Variants in NRXN3 observed in about 807,000 individuals in gnomAD.
NRXN3 encodes neurexin III.
In NRXN3, 32 loss-of-function variants were observed where a neutral mutation model predicts 137.6. That is an observed-to-expected ratio of 0.23 (90% CI 0.18 to 0.31). NRXN3 has a LOEUF of 0.31. NRXN3 is among the 10% of genes least tolerant of loss of function. The probability of loss-of-function intolerance (pLI) is 1.00; values close to 1 mark genes in which losing one functional copy is unlikely to be tolerated. For synonymous variants in NRXN3, 798 were observed against 784.5 expected, an observed-to-expected ratio of 1.02 and a Z score of -0.29; for missense variants, 1,574 against 2,062.5, an observed-to-expected ratio of 0.76 and a Z score of 4.59.
intron 15 of NRXN3, among the ~76,000 whole-genome samples, chr14:79,076,835 A>G (rs2046057523): frequency 6.6e-6 from 1 of 152,182 alleles, no homozygotes; most frequent in African/African-American, 2.4e-5. Context: ...ATGGCGTGTA[A>G]AAAGTTCTAT....
chr14:78,617,132 T>A (rs377128175), intron 4 of NRXN3, among the ~76,000 whole-genome samples: 23 of 152,152 alleles, frequency 1.5e-4, no homozygotes, highest in East Asian at 3.8e-4. Context: ...GTATATATAT[T>A]TTTTTTCCTG....
chr14:78,444,726 C>G (rs966365091), intron 4 of NRXN3, among the ~76,000 whole-genome samples: 1 of 151,612 alleles, frequency 6.6e-6, no homozygotes, highest in Non-Finnish European at 1.5e-5. Flanking sequence ...TTGAGACCAG[C>G]TTGGCCAACA....
At chr14:78,780,121 C>T (rs573943756) in intron 8 of NRXN3, among the ~76,000 whole-genome samples, 1 of 152,278 alleles carries the variant, frequency 6.6e-6, no homozygotes, top group South Asian at 2.1e-4. Flanking sequence ...GCACACCAGC[C>T]TGTGGGACAC....
At chr14:78,793,829 G>T (rs1291092846) in intron 8 of NRXN3, among the ~76,000 whole-genome samples, 1 of 152,118 alleles carries the variant, frequency 6.6e-6, no homozygotes, top group Admixed American at 6.5e-5. Flanking sequence ...CCCTAGGCTT[G>T]CAAAAACACT....
At chr14:79,810,763 A>G (rs2099229457) in intron 20 of NRXN3, among the ~76,000 whole-genome samples, 1 of 152,216 alleles carries the variant, frequency 6.6e-6, no homozygotes, top group African/African-American at 2.4e-5. Context: ...CTGAGTTACT[A>G]AAAGCTCACC....
intron 6 of NRXN3, among the ~76,000 whole-genome samples, chr14:78,706,033 G>A (rs1199341797): frequency 6.6e-6 from 1 of 151,856 alleles, no homozygotes; most frequent in Non-Finnish European, 1.5e-5. Flanking sequence ...CTTGTTAAAA[G>A]GCTTTTTTTT....
intron 19 of NRXN3, among the ~76,000 whole-genome samples, chr14:79,778,104 T>G (rs954163083): frequency 1.3e-5 from 2 of 152,192 alleles, no homozygotes; most frequent in African/African-American, 4.8e-5. Flanking sequence ...TCAGACAGGT[T>G]TGGCTGAATT....
At chr14:78,581,384 G>A (rs1188928746) in intron 4 of NRXN3, among the ~76,000 whole-genome samples, 2 of 152,172 alleles carry the variant, frequency 1.3e-5, no homozygotes, top group Admixed American at 6.5e-5. Context: ...CTTCCGGGAC[G>A]ACAGCTTGTT....
intron 15 of NRXN3, among the ~76,000 whole-genome samples, chr14:79,200,234 G>T (rs1451812780): frequency 1.3e-5 from 2 of 152,192 alleles, no homozygotes; most frequent in Admixed American, 1.3e-4. Flanking sequence ...ACTAGAGTTT[G>T]AGAGAGTCTG....
intron 4 of NRXN3, among the ~76,000 whole-genome samples, chr14:78,455,557 C>G (rs568688752): frequency 6.6e-6 from 1 of 152,308 alleles, no homozygotes; most frequent in African/African-American, 2.4e-5. Context: ...TGTTCCACTC[C>G]GAGTTCTTAA....
At chr14:78,978,720 A>G (rs1301127868) in intron 14 of NRXN3, among the ~76,000 whole-genome samples, 1 of 148,046 alleles carries the variant, frequency 6.8e-6, no homozygotes, top group African/African-American at 2.5e-5. Context: ...TATATATAAT[A>G]TATAAAATAT....
Position 79,316,706 on chromosome 14 carries a change from A to T in NRXN3, c.3263-150515A>T, listed in dbSNP as rs74069722. Among the ~76,000 whole-genome samples the T allele has an allele frequency of 4.9e-3, 714 of 146,472 alleles. 10 individuals carry two copies. The highest frequency in any genetic ancestry group is 0.018 in the African/African-American group (680 of 38,218). ...CTCTTGTTCTATTACACTGGACTTTATCATCATGTAATCTGTCCTGTCCCT... is the reference window on the plus strand; with the variant it reads ...CTCTTGTTCTATTACACTGGACTTTTTCATCATGTAATCTGTCCTGTCCCT... On this transcript the variant is annotated intron_variant, in intron 15 of 20. Coordinates refer to ENST00000335750, the MANE Select transcript of NRXN3 (RefSeq NM_001330195.2).
At chr14:79,692,314 T>C (rs1338148016) in intron 18 of NRXN3, 52 bp downstream of exon 18, 12 of 1,316,706 alleles carry the variant, frequency 9.1e-6, no homozygotes, top group East Asian at 2.4e-5. Context: ...TAAACCCTCA[T>C]TTTTAAAGCC....
chr14:79,128,908 G>T (rs1472956481), intron 15 of NRXN3, among the ~76,000 whole-genome samples: 6 of 151,910 alleles, frequency 3.9e-5, no homozygotes, highest in Non-Finnish European at 8.8e-5. Context: ...AGTCTTGGGA[G>T]AGTGTATGTG....
intron 3 of NRXN3, among the ~76,000 whole-genome samples, chr14:78,290,858 A>G (rs2075739114): frequency 6.6e-6 from 1 of 152,152 alleles, no homozygotes; most frequent in African/African-American, 2.4e-5. Context: ...ATGATCTCAT[A>G]CATGACAGTA....
At chr14:79,351,918 C>T (rs1306035612) in intron 15 of NRXN3, among the ~76,000 whole-genome samples, 1 of 152,046 alleles carries the variant, frequency 6.6e-6, no homozygotes. Context: ...AGACTTTCAC[C>T]CCCCTCCAAG....
intron 15 of NRXN3, among the ~76,000 whole-genome samples, chr14:79,290,523 G>C (rs1199924644): frequency 6.6e-6 from 1 of 152,130 alleles, no homozygotes; most frequent in Non-Finnish European, 1.5e-5. Flanking sequence ...AAAAATTTGA[G>C]GTTGCAGCAC....
At chr14:78,966,486 C>G in intron 12 of NRXN3, 80 bp downstream of exon 12, 6 of 1,412,334 alleles carry the variant, frequency 4.2e-6, no homozygotes, top group Non-Finnish European at 5.8e-6. Context: ...ATAAAAATAA[C>G]TTGTCTATTC....
intron 16 of NRXN3, among the ~76,000 whole-genome samples, chr14:79,559,174 C>G (rs559678962): frequency 1.4e-3 from 209 of 152,294 alleles, no homozygotes; most frequent in African/African-American, 4.8e-3. Flanking sequence ...TGAGTCTTCA[C>G]TAGAGTAGGA....
Sources: allele counts gnomAD v4.1 joint callset (sites outside exome capture counted in the v4.1 genomes callset), GRCh38; gene constraint gnomAD v4.1.1; transcripts MANE v1.5; gene names NCBI Gene and HGNC (gene_info 2026-07-23, HGNC 2026-07-21).